Variants in ADAMTS17 observed in about 807,000 individuals in gnomAD.
ADAMTS17 encodes the protein A disintegrin and metalloproteinase with thrombospondin motifs 17.
A neutral mutation model predicts 141.5 loss-of-function variants in ADAMTS17; 113 were observed. The observed-to-expected ratio is 0.80, with a 90% confidence interval of 0.69 to 0.93. The LOEUF (loss-of-function observed/expected upper bound fraction) is 0.93. Ranked by LOEUF, ADAMTS17 falls within the 40% of genes least tolerant of loss-of-function variation. The pLI is 0.00. For missense variants in ADAMTS17, 1,659 were observed against 1,517.9 expected, an observed-to-expected ratio of 1.09 and a Z score of -1.54; for synonymous variants, 768 against 630.6, an observed-to-expected ratio of 1.22 and a Z score of -3.27.
chr15:100,147,244 C>A (rs967766415), intron 10 of ADAMTS17, among the ~76,000 whole-genome samples: 4 of 152,152 alleles, frequency 2.6e-5, no homozygotes, highest in Non-Finnish European at 5.9e-5. Context: ...CCTTATTTCT[C>A]AAACCAGCTG....
intron 7 of ADAMTS17, among the ~76,000 whole-genome samples, chr15:100,230,224 G>A (rs907830637): frequency 8.5e-5 from 13 of 152,168 alleles, no homozygotes; most frequent in Non-Finnish European, 1.8e-4. Flanking sequence ...TGACACCCGC[G>A]GTGCACGAAA....
At chr15:100,299,790 C>T (rs1158259976) in intron 3 of ADAMTS17, among the ~76,000 whole-genome samples, 1 of 152,128 alleles carries the variant, frequency 6.6e-6, no homozygotes, top group African/African-American at 2.4e-5. Flanking sequence ...TAGCAACCCA[C>T]ACTCTTCACC....
chr15:100,160,451 C>G (rs1420899667), intron 8 of ADAMTS17, among the ~76,000 whole-genome samples: 2 of 152,168 alleles, frequency 1.3e-5, no homozygotes, highest in African/African-American at 4.8e-5. Flanking sequence ...ATGGTCTCCT[C>G]ATTTATGGAA....
At chr15:100,212,660 C>T (rs2041846051) in intron 7 of ADAMTS17, among the ~76,000 whole-genome samples, 1 of 152,096 alleles carries the variant, frequency 6.6e-6, no homozygotes, top group South Asian at 2.1e-4. Context: ...AAATTATCCT[C>T]CAGCCCTTAG....
intron 18 of ADAMTS17, among the ~76,000 whole-genome samples, chr15:100,047,429 C>T (rs905929214): frequency 2.0e-5 from 3 of 151,792 alleles, no homozygotes; most frequent in Admixed American, 6.6e-5. Flanking sequence ...GCTGGTTTTA[C>T]GGCTTGGGGG....
chr15:100,039,060 C>T (rs1215783784), intron 18 of ADAMTS17, among the ~76,000 whole-genome samples: 2 of 152,166 alleles, frequency 1.3e-5, no homozygotes, highest in African/African-American at 4.8e-5. Context: ...GTGTTCATTC[C>T]CAATCCTTTT....
intron 12 of ADAMTS17, among the ~76,000 whole-genome samples, chr15:100,120,832 CAG>C (rs543466117): frequency 2.0e-5 from 3 of 152,302 alleles, no homozygotes; most frequent in South Asian, 2.1e-4. Context: ...TACAAAGAAA[CAG>C]AAAGTATGGT....
intron 8 of ADAMTS17, among the ~76,000 whole-genome samples, chr15:100,193,208 G>C (rs754719283): frequency 2.6e-5 from 4 of 152,236 alleles, no homozygotes; most frequent in African/African-American, 7.2e-5. Context: ...CATTATTCCA[G>C]TGGCTCCACC....
rs536874898 is a variant in ADAMTS17 at position 100,235,997 on chromosome 15, G to A, written c.1075+18139C>T. Among the ~76,000 whole-genome samples the A allele has an allele frequency of 1.1e-4, 17 of 152,242 alleles. No homozygotes were observed. In the South Asian group the frequency reaches 3.5e-3, roughly 32 times the overall value. ...TCAAGTTTATGGAAAATCTGATGAG[G>A]TGGCTGAACATTTGGGGTAAATTCG... On this transcript the variant is annotated intron_variant, in intron 7 of 21. Coordinates refer to ENST00000268070, the MANE Select transcript of ADAMTS17 (RefSeq NM_139057.4).
chr15:100,109,088 G>A lies in ADAMTS17; in HGVS notation c.1917C>T (p.Pro639=), dbSNP rs772548720. 5.6e-6 allele frequency: 9 copies of A among 1,613,492 alleles called. No homozygotes were observed. In the Admixed American group the frequency reaches 6.7e-5, roughly 12 times the overall value. Residue 639 remains proline (P), a synonymous_variant, in exon 14 of 22, where the codon CCC becomes CCT. Transcript: ENST00000268070. The stretch of plus-strand genomic sequence containing the variant: ...CCAGCAGTGGGGACTCCTTCCCGAG[G>A]GGCGAGCAGTAGAGTTCACATGGCT... ...DDKPCELYCS[P]LGKESPLLVA...
chr15:100,120,583 G>A (rs568225491), intron 12 of ADAMTS17, among the ~76,000 whole-genome samples: 1 of 152,272 alleles, frequency 6.6e-6, no homozygotes, highest in Admixed American at 6.5e-5. Flanking sequence ...ACATTTAAAA[G>A]CAACTTCATC....
At chr15:100,274,689 GACTT>G (rs1417551469) in intron 4 of ADAMTS17, among the ~76,000 whole-genome samples, 1 of 152,138 alleles carries the variant, frequency 6.6e-6, no homozygotes, top group African/African-American at 2.4e-5. Context: ...GATAAGGAGG[GACTT>G]ACTTTTCCAT....
At chr15:100,074,939 C>T (rs1157791708) in intron 15 of ADAMTS17, among the ~76,000 whole-genome samples, 5 of 152,096 alleles carry the variant, frequency 3.3e-5, no homozygotes, top group African/African-American at 9.7e-5. Context: ...TACTTTCCTA[C>T]CCCCATTTGG....
chr15:100,025,831 T>C (rs1269307750), intron 18 of ADAMTS17, among the ~76,000 whole-genome samples: 3 of 152,180 alleles, frequency 2.0e-5, no homozygotes, highest in Non-Finnish European at 4.4e-5. Context: ...TATTGTGTTT[T>C]CTGTGTTTTT....
chr15:100,169,251 C>T (rs1552096), intron 8 of ADAMTS17, among the ~76,000 whole-genome samples: 7,187 of 151,952 alleles, frequency 0.047, 260 homozygotes, highest in East Asian at 0.17. Context: ...CCAGGTATGA[C>T]GCTAAGCACT....
chr15:100,097,521 C>T (rs2035836207), intron 14 of ADAMTS17, among the ~76,000 whole-genome samples: 1 of 152,250 alleles, frequency 6.6e-6, no homozygotes, highest in Admixed American at 6.5e-5. Flanking sequence ...TAGCACAGCG[C>T]CTCGGGTGCC....
In ADAMTS17 at chr15:100,047,278, GC is replaced by G. The variant is rs1415478934; in HGVS notation, c.2591+1578del. ...CCCGAAACTTCATTAGCAATTTTTC[GC>G]CCCGGTCCTGTGGTCCTGTGATCTC... On this transcript the variant is annotated intron_variant, in intron 18 of 21. Coordinates refer to ENST00000268070, the MANE Select transcript of ADAMTS17 (RefSeq NM_139057.4). Among the ~76,000 whole-genome samples the G allele has an allele frequency of 7.8e-5, 9 of 114,862 alleles. 3 individuals are homozygous for G. In the East Asian group the frequency reaches 3.0e-3, roughly 38 times the overall value. The allele number at this position is 114,862 out of a possible 152,430, so 75.4% of individuals were successfully genotyped here. A position where few individuals can be genotyped will look rare whatever the true frequency, so the allele number is the denominator to read the frequency against.
At chr15:100,055,886 G>A (rs973695575) in intron 15 of ADAMTS17, among the ~76,000 whole-genome samples, 9 of 152,220 alleles carry the variant, frequency 5.9e-5, no homozygotes, top group Non-Finnish European at 1.3e-4. Flanking sequence ...AATGGGGGCA[G>A]AGAGAAGTAC....
chr15:100,072,077 TGTGCAAAAATCACA>T (rs1482536190), intron 15 of ADAMTS17, among the ~76,000 whole-genome samples: 2 of 150,346 alleles, frequency 1.3e-5, no homozygotes, highest in East Asian at 3.9e-4. Context: ...ACAAAATCAA[TGTGCAAAAATCACA>T]GTCTTTCTTA....
Sources: allele counts gnomAD v4.1 joint callset (sites outside exome capture counted in the v4.1 genomes callset), GRCh38; gene constraint gnomAD v4.1.1; transcripts MANE v1.5; gene names NCBI Gene and HGNC (gene_info 2026-07-23, HGNC 2026-07-21).